Variants in BCL2L13 observed in about 807,000 individuals in gnomAD.
BCL2L13 encodes bcl-2-like protein 13.
BCL2L13 carries 13 observed loss-of-function variants against 25.8 expected under a neutral mutation model. The ratio of observed to expected loss-of-function variants is 0.50; its 90% CI spans 0.33 to 0.80. The LOEUF is 0.80. Among genes scored for constraint, BCL2L13 ranks in the 30% least tolerant of loss-of-function variants. The pLI, the probability that BCL2L13 is intolerant of heterozygous loss-of-function variation, is 0.02. For synonymous variants in BCL2L13, 244 were observed against 230.3 expected, an observed-to-expected ratio of 1.06 and a Z score of -0.54; for missense variants, 504 against 574.9, an observed-to-expected ratio of 0.88 and a Z score of 1.26.
intron 1 of BCL2L13, among the ~76,000 whole-genome samples, chr22:17,652,926 G>C (rs935316516): frequency 6.6e-6 from 1 of 151,994 alleles, no homozygotes; most frequent in African/African-American, 2.4e-5. Flanking sequence ...TTAGCCGGGC[G>C]TGGTGGCGGG....
chr22:17,651,303 GTCT>G (rs2058677137), intron 1 of BCL2L13, among the ~76,000 whole-genome samples: 1 of 151,736 alleles, frequency 6.6e-6, no homozygotes, highest in African/African-American at 2.4e-5. Context: ...GGGCCATTCA[GTCT>G]TCTTAGGTAA....
upstream of BCL2L13, among the ~76,000 whole-genome samples, chr22:17,637,691 T>C (rs773720330): frequency 1.3e-5 from 2 of 152,060 alleles, no homozygotes; most frequent in Non-Finnish European, 2.9e-5. Flanking sequence ...ACTATTAGTT[T>C]TCCAAGGTCA....
At chr22:17,676,691 C>T (rs1007382640) in intron 2 of BCL2L13, among the ~76,000 whole-genome samples, 1 of 152,146 alleles carries the variant, frequency 6.6e-6, no homozygotes, top group African/African-American at 2.4e-5. Flanking sequence ...TTCTGGAGAT[C>T]ACTGTATCTT....
At chr22:17,712,129 C>T (rs1292379502) in intron 6 of BCL2L13, among the ~76,000 whole-genome samples, 2 of 151,080 alleles carry the variant, frequency 1.3e-5, no homozygotes, top group Non-Finnish European at 2.9e-5. Context: ...GACTATTTTT[C>T]GTAACTCTGA....
intron 2 of BCL2L13, among the ~76,000 whole-genome samples, chr22:17,669,274 T>C (rs1193049126): frequency 2.0e-5 from 3 of 151,798 alleles, no homozygotes; most frequent in Non-Finnish European, 4.4e-5. Flanking sequence ...CCTCGTGATC[T>C]GCCCGCCTCG....
In BCL2L13 at chr22:17,662,767, TGA is replaced by T. The variant is rs551255819; in HGVS notation, c.121+6938_121+6939del. ...CCAGTCTGCTGAGGCTGCAGTGAAC[TGA>T]GATCATGCCACTGTACTCCTAGGCG... On this transcript the variant is annotated intron_variant, in intron 2 of 6. Coordinates refer to ENST00000317582, the MANE Select transcript of BCL2L13 (RefSeq NM_015367.4). Among the ~76,000 whole-genome samples the T allele has an allele frequency of 1.6e-4, 24 of 152,036 alleles. 2 individuals carry two copies. In the Middle Eastern group the frequency reaches 0.02, roughly 129 times the overall value.
intron 6 of BCL2L13, among the ~76,000 whole-genome samples, chr22:17,722,168 A>C (rs2145825100): frequency 6.6e-6 from 1 of 152,240 alleles, no homozygotes; most frequent in Non-Finnish European, 1.5e-5. Context: ...TCTTTGCCAC[A>C]AATCATGTGA....
chr22:17,630,590 T>C (rs1351030198), intron 1 of BCL2L13, among the ~76,000 whole-genome samples: 1 of 143,306 alleles, frequency 7.0e-6, no homozygotes, highest in African/African-American at 2.7e-5. Context: ...CTTTTTCTTT[T>C]CTTTTTTTTT....
chr22:17,709,273 G>A (rs767799762), intron 6 of BCL2L13, among the ~76,000 whole-genome samples: 1 of 151,760 alleles, frequency 6.6e-6, no homozygotes, highest in Non-Finnish European at 1.5e-5. Context: ...GCTCCAGCCC[G>A]GTGACATGGC....
chr22:17,726,642 ATT>A, intron 6 of BCL2L13, 33 bp from the exon 7 acceptor site: 1 of 1,579,828 alleles, frequency 6.3e-7, no homozygotes, highest in Non-Finnish European at 8.6e-7. Context: ...AATAGTTACC[ATT>A]CTTTATTATT....
At chr22:17,686,747 G>C (rs1258334859) in intron 3 of BCL2L13, among the ~76,000 whole-genome samples, 2 of 152,026 alleles carry the variant, frequency 1.3e-5, no homozygotes, top group Non-Finnish European at 2.9e-5. Context: ...CTGACCTTGT[G>C]ATCTACCCGC....
chr22:17,718,329 A>C (rs1447731901), intron 6 of BCL2L13, among the ~76,000 whole-genome samples: 1 of 152,142 alleles, frequency 6.6e-6, no homozygotes, highest in African/African-American at 2.4e-5. Context: ...GATGAGATAG[A>C]TGCTAGCCAA....
At chr22:17,662,453 A>G (rs957173337) in intron 2 of BCL2L13, among the ~76,000 whole-genome samples, 14 of 152,072 alleles carry the variant, frequency 9.2e-5, no homozygotes, top group African/African-American at 2.7e-4. Flanking sequence ...ACTCCAGCCT[A>G]GGCGACAGAG....
At chr22:17,665,055 C>G (rs1028777528) in intron 2 of BCL2L13, among the ~76,000 whole-genome samples, 1 of 152,194 alleles carries the variant, frequency 6.6e-6, no homozygotes, top group Non-Finnish European at 1.5e-5. Flanking sequence ...GAATTTCTCC[C>G]TAGAAAATGG....
At chr22:17,684,768 C>G in intron 3 of BCL2L13, 1 of 348,988 alleles carries the variant, frequency 2.9e-6, no homozygotes, top group Non-Finnish European at 5.6e-6. Context: ...GAGTCTGGCT[C>G]TTTGCCCAGG....
Position 17,694,592 on chromosome 22 carries a change from A to C in BCL2L13, c.387-1549A>C, listed in dbSNP as rs573293416. Among the ~76,000 whole-genome samples the C allele has an allele frequency of 2.0e-5, 3 of 152,298 alleles. No individual in the cohort carries two copies. The South Asian group carries it at 6.2e-4, about 32-fold the overall frequency. On this transcript the variant is annotated intron_variant, in intron 4 of 6. Transcript: ENST00000317582. ...AATATTTCAACATGTATTCAGTACA[A>C]AAAATTATTGAGCTATTTTAGATTG...
intron 6 of BCL2L13, among the ~76,000 whole-genome samples, chr22:17,721,494 T>C (rs1369939369): frequency 1.3e-5 from 2 of 150,768 alleles, no homozygotes; most frequent in Non-Finnish European, 3.0e-5. Flanking sequence ...TGGAAATAGT[T>C]TTTTTTTTTA....
intron 2 of BCL2L13, among the ~76,000 whole-genome samples, chr22:17,679,415 G>A (rs1463293047): frequency 4.0e-5 from 6 of 151,588 alleles, no homozygotes; most frequent in East Asian, 1.9e-4. Flanking sequence ...GATTACAGGC[G>A]CCTGCCACCA....
At position 17,656,335 on chromosome 22, in the gene BCL2L13, CTTTTTTTTTTTTTTT is replaced by C. The variant is rs890631679; in HGVS notation, c.121+522_121+536del. Among the ~76,000 whole-genome samples the C allele has an allele frequency of 7.6e-4, 44 of 57,884 alleles. 1 individual carries two copies. The highest frequency in any genetic ancestry group is 3.0e-3 in the South Asian group (3 of 990). The allele number at this position is 57,884 out of a possible 152,430, so 38.0% of individuals were successfully genotyped here. A position where few individuals can be genotyped will look rare whatever the true frequency, so the allele number is the denominator to read the frequency against. On this transcript the variant is annotated intron_variant, in intron 2 of 6. Coordinates refer to ENST00000317582, the MANE Select transcript of BCL2L13 (RefSeq NM_015367.4). ...CAAAAGTATTTTTTTTCATTTTATTCTTTTTTTTTTTTTTTTTTTTTTTTTTTTTTTTTGGGACAG... is the reference window on the plus strand; with the variant it reads ...CAAAAGTATTTTTTTTCATTTTATTCTTTTTTTTTTTTTTTTTTGGGACAG...
Sources: allele counts gnomAD v4.1 joint callset (sites outside exome capture counted in the v4.1 genomes callset), GRCh38; gene constraint gnomAD v4.1.1; transcripts MANE v1.5; gene names NCBI Gene and HGNC (gene_info 2026-07-23, HGNC 2026-07-21).